The following ADAMTSL1 variants were observed in gnomAD, a reference collection of about 807,000 sequenced individuals.
ADAMTSL1 encodes ADAMTS-like protein 1.
In ADAMTSL1, 126 loss-of-function variants were observed where a neutral mutation model predicts 201.8. The observed-to-expected ratio is 0.62, with a 90% CI of 0.54 to 0.72. ADAMTSL1 has a LOEUF of 0.72. Ranked by LOEUF, ADAMTSL1 falls within the 30% of genes least tolerant of loss-of-function variation. The probability of loss-of-function intolerance (pLI) is 0.00; values close to 1 mark genes in which losing one functional copy is unlikely to be tolerated. For synonymous variants in ADAMTSL1, 1,121 were observed against 903.4 expected, an observed-to-expected ratio of 1.24 and a Z score of -4.32; for missense variants, 2,679 against 2,277.8, an observed-to-expected ratio of 1.18 and a Z score of -3.59.
chr9:18,397,082 A>G (rs1817783267), intron 2 of ADAMTSL1, among the ~76,000 whole-genome samples: 1 of 151,422 alleles, frequency 6.6e-6, no homozygotes, highest in African/African-American at 2.5e-5. Flanking sequence ...TTTAACCCCT[A>G]TGCATAAATT....
At chr9:18,142,279 G>A (rs1826434471) in intron 1 of ADAMTSL1, among the ~76,000 whole-genome samples, 1 of 152,194 alleles carries the variant, frequency 6.6e-6, no homozygotes, top group Non-Finnish European at 1.5e-5. Context: ...CTGAGGTCAA[G>A]CAGCACCCAT....
At chr9:18,465,894 G>A (rs1304480692) in intron 2 of ADAMTSL1, among the ~76,000 whole-genome samples, 7 of 151,896 alleles carry the variant, frequency 4.6e-5, no homozygotes, top group South Asian at 2.1e-4. Flanking sequence ...GATTATAGGC[G>A]TGTGCCACCA....
At chr9:18,252,437 A>G (rs1030472650) in intron 2 of ADAMTSL1, among the ~76,000 whole-genome samples, 3 of 152,214 alleles carry the variant, frequency 2.0e-5, no homozygotes, top group African/African-American at 7.2e-5. Flanking sequence ...TGAATGTTCA[A>G]GTCCCTGATA....
In ADAMTSL1 at chr9:18,561,139, G is replaced by T. The variant is rs533191022; in HGVS notation, c.238-12891G>T. 7.9e-5 allele frequency among the ~76,000 whole-genome samples: 12 copies of T among 152,196 alleles called. No homozygotes were observed. The South Asian group carries it at 2.5e-3, about 32-fold the overall frequency. ...TTGTGATATTAGGGTGTCGATTTTA[G>T]ATCTTTCCCACTTTCTCCTGTGGGC... On this transcript the variant is annotated intron_variant, in intron 3 of 28. Coordinates refer to ENST00000380548, the MANE Select transcript of ADAMTSL1 (RefSeq NM_001040272.6).
At chr9:18,344,881 G>C (rs1321397264) in intron 2 of ADAMTSL1, among the ~76,000 whole-genome samples, 3 of 152,076 alleles carry the variant, frequency 2.0e-5, no homozygotes, top group Non-Finnish European at 4.4e-5. Context: ...AGCCCAGCAG[G>C]GGACCTTGGA....
chr9:18,282,620 G>T (rs572470845), intron 2 of ADAMTSL1, among the ~76,000 whole-genome samples: 1 of 152,220 alleles, frequency 6.6e-6, no homozygotes, highest in African/African-American at 2.4e-5. Context: ...GTACGTGGCC[G>T]GGTGCAGTGG....
At chr9:18,129,023 C>T (rs941177898) in intron 1 of ADAMTSL1, among the ~76,000 whole-genome samples, 2 of 152,104 alleles carry the variant, frequency 1.3e-5, no homozygotes, top group African/African-American at 2.4e-5. Flanking sequence ...TATGTCTCCC[C>T]CACTTTTCCA....
At chr9:18,702,758 C>G (rs1043660872) in intron 13 of ADAMTSL1, among the ~76,000 whole-genome samples, 1 of 150,876 alleles carries the variant, frequency 6.6e-6, no homozygotes, top group African/African-American at 2.4e-5. Context: ...GTGTTGCTAA[C>G]AAAAAGAGTT....
chr9:18,157,600 A>T (rs1036992163), intron 1 of ADAMTSL1, among the ~76,000 whole-genome samples: 4 of 152,160 alleles, frequency 2.6e-5, no homozygotes, highest in African/African-American at 9.6e-5. Flanking sequence ...AACATTCTGG[A>T]CCAGCATGTT....
intron 19 of ADAMTSL1, among the ~76,000 whole-genome samples, chr9:18,794,377 C>G (rs940289392): frequency 2.7e-5 from 4 of 149,524 alleles, no homozygotes; most frequent in African/African-American, 9.9e-5. Flanking sequence ...CCTCCACACT[C>G]GTGGGTGACA....
rs201510062 is a variant in ADAMTSL1 at position 18,889,722 on chromosome 9, G to A, written c.4617G>A (p.Ala1539=). The A allele has an allele frequency of 3.7e-4, 571 of 1,536,398 alleles. 5 individuals are homozygous for A. The highest frequency in any genetic ancestry group is 2.0e-4 in the Non-Finnish European group (231 of 1,140,730). The change falls in exon 25 of 29, where the codon GCG becomes GCA. Residue 1539 remains alanine, a synonymous_variant. Transcript: ENST00000380548. ...GKVRPAVQPI[A]CNRRDCPSRW... ...TTCGCCCTGCGGTGCAGCCCATCGC[G>A]TGCAACCGGAGAGACTGCCCTTCTC... is the stretch of plus-strand genomic sequence containing the variant.
chr9:18,254,432 A>G (rs781698398), intron 2 of ADAMTSL1, among the ~76,000 whole-genome samples: 41 of 123,756 alleles, frequency 3.3e-4, no homozygotes, highest in East Asian at 2.0e-3. Context: ...GCGCGATCTC[A>G]GCTCACTGCA....
intron 1 of ADAMTSL1, among the ~76,000 whole-genome samples, chr9:18,134,214 G>A (rs1463776238): frequency 2.0e-5 from 3 of 152,154 alleles, no homozygotes; most frequent in Non-Finnish European, 4.4e-5. Context: ...TAACCTGAAA[G>A]GTTTTAGTGT....
At chr9:18,592,747 T>C (rs756888544) in intron 4 of ADAMTSL1, among the ~76,000 whole-genome samples, 4 of 152,208 alleles carry the variant, frequency 2.6e-5, no homozygotes, top group Non-Finnish European at 5.9e-5. Flanking sequence ...GTTTTTTCTA[T>C]TTCTGTGAAG....
At chr9:18,451,628 A>T (rs1820409316) in intron 2 of ADAMTSL1, among the ~76,000 whole-genome samples, 1 of 152,348 alleles carries the variant, frequency 6.6e-6, no homozygotes, top group East Asian at 1.9e-4. Context: ...TACAAATTTC[A>T]GCTCCATGTG....
intron 1 of ADAMTSL1, among the ~76,000 whole-genome samples, chr9:18,015,442 A>G (rs977337672): frequency 2.0e-5 from 3 of 152,098 alleles, no homozygotes; most frequent in Non-Finnish European, 4.4e-5. Context: ...GGGGTCACCC[A>G]AAGCTTGGAG....
intron 1 of ADAMTSL1, among the ~76,000 whole-genome samples, chr9:18,486,794 T>G (rs1822019307): frequency 6.6e-6 from 1 of 152,140 alleles, no homozygotes; most frequent in Non-Finnish European, 1.5e-5. Flanking sequence ...AGGGAGTCAT[T>G]TTTGTACCTT....
In ADAMTSL1 at chr9:18,428,526, G is replaced by T. The variant is rs761285084; in HGVS notation, c.208-76303G>T. ...GCCCAGCTACTCAGGAGGCTGAGAT[G>T]GGAGAATTGTGTGAGTCCAGGAGTT... On this transcript the variant is annotated intron_variant, in intron 2 of 29. Transcript: ENST00000680146. Among the ~76,000 whole-genome samples, 4 of 152,122 alleles carry T rather than the reference G, an allele frequency of 2.6e-5. No individual in the cohort carries two copies. The South Asian group carries it at 6.2e-4, about 24-fold the overall frequency.
Position 17,930,745 on chromosome 9 carries a change from T to C in ADAMTSL1, c.87+23823T>C, listed in dbSNP as rs1454678042. ...TTGCCTGCTTCATCATTTTCAACATTGTAAGGTAAGATATGGTGGAGTGGG... is the reference window on the plus strand; with the variant it reads ...TTGCCTGCTTCATCATTTTCAACATCGTAAGGTAAGATATGGTGGAGTGGG... On this transcript the variant is annotated intron_variant, in intron 1 of 29. Coordinates refer to the ADAMTSL1 transcript ENST00000680146. Among the ~76,000 whole-genome samples, 3 of 152,178 alleles carry C rather than the reference T, an allele frequency of 2.0e-5. No individual in the cohort carries two copies. The East Asian group carries it at 5.8e-4, about 29-fold the overall frequency.
Sources: allele counts gnomAD v4.1 joint callset (sites outside exome capture counted in the v4.1 genomes callset), GRCh38; gene constraint gnomAD v4.1.1; transcripts MANE v1.5; gene names NCBI Gene and HGNC (gene_info 2026-07-23, HGNC 2026-07-21).